GABRG2: variants seen among roughly 807,000 people sequenced by gnomAD.
The protein encoded by GABRG2 is gamma-aminobutyric acid type A receptor subunit gamma2, also known as gamma-aminobutyric acid receptor subunit gamma-2.
GABRG2 carries 16 observed loss-of-function variants against 56.4 expected under a neutral mutation model. The ratio of observed to expected loss-of-function variants is 0.28; its 90% CI spans 0.19 to 0.43. The LOEUF is 0.43. Among genes scored for constraint, GABRG2 ranks in the 20% least tolerant of loss-of-function variants. The pLI is 1.00. For missense variants in GABRG2, 327 were observed against 582.7 expected, an observed-to-expected ratio of 0.56 and a Z score of 4.52; for synonymous variants, 208 against 205.5, an observed-to-expected ratio of 1.01 and a Z score of -0.10.
intron 6 of GABRG2, among the ~76,000 whole-genome samples, chr5:162,124,098 G>C (rs1013646357): frequency 1.3e-5 from 2 of 151,824 alleles, no homozygotes; most frequent in Non-Finnish European, 2.9e-5. Context: ...AAGTGTTTGA[G>C]CTGGGTCTTA....
chr5:162,123,074 GA>G (rs1763083384), intron 6 of GABRG2, among the ~76,000 whole-genome samples: 1 of 151,562 alleles, frequency 6.6e-6, no homozygotes. Context: ...TATTCAACAT[GA>G]AAATCATTGT....
intron 7 of GABRG2, among the ~76,000 whole-genome samples, chr5:162,146,516 A>C (rs1764959389): frequency 6.6e-6 from 1 of 152,086 alleles, no homozygotes. Flanking sequence ...ATCTCCCAAA[A>C]GTCATAATTA....
At chr5:162,068,418 C>G (rs566547314) in intron 1 of GABRG2, among the ~76,000 whole-genome samples, 1 of 151,842 alleles carries the variant, frequency 6.6e-6, no homozygotes, top group South Asian at 2.1e-4. Context: ...TCGGAGTGGG[C>G]TGTGCTGATA....
At chr5:162,135,694 G>A (rs917958454) in intron 6 of GABRG2, among the ~76,000 whole-genome samples, 7 of 152,064 alleles carry the variant, frequency 4.6e-5, no homozygotes, top group South Asian at 2.1e-4. Flanking sequence ...ATTAATTGAC[G>A]TTTGAAAAAT....
chr5:162,071,051 A>C (rs891612236), intron 1 of GABRG2, among the ~76,000 whole-genome samples: 1 of 151,864 alleles, frequency 6.6e-6, no homozygotes, highest in Non-Finnish European at 1.5e-5. Flanking sequence ...AATATTATAC[A>C]TATAACAAAG....
chr5:162,094,920 G>A (rs1448564969), intron 2 of GABRG2, among the ~76,000 whole-genome samples: 1 of 152,034 alleles, frequency 6.6e-6, no homozygotes, highest in Non-Finnish European at 1.5e-5. Context: ...ATTATCTGTG[G>A]TATCACAGGG....
chr5:162,130,881 C>T (rs931414483), intron 6 of GABRG2, among the ~76,000 whole-genome samples: 1 of 151,878 alleles, frequency 6.6e-6, no homozygotes, highest in Non-Finnish European at 1.5e-5. Flanking sequence ...CACTGAGTCC[C>T]CATAGAAGGC....
intron 6 of GABRG2, among the ~76,000 whole-genome samples, chr5:162,136,500 T>C (rs1271224434): frequency 6.6e-6 from 1 of 151,756 alleles, no homozygotes; most frequent in East Asian, 1.9e-4. Flanking sequence ...GGTGGTGGCA[T>C]AGGTGGTCAG....
chr5:162,103,253 A>T (rs568796741), intron 5 of GABRG2: 117 of 154,314 alleles, frequency 7.6e-4, no homozygotes, highest in Admixed American at 2.4e-3. Flanking sequence ...CCCCAGTGTG[A>T]TGTCTTCAAT....
At chr5:162,109,466 C>T (rs75010160) in intron 6 of GABRG2, among the ~76,000 whole-genome samples, 16,860 of 144,306 alleles carry the variant, frequency 0.12, 1,039 homozygotes, top group Middle Eastern at 0.15. Flanking sequence ...CTTGTGTTGC[C>T]TGGGCACTTG....
chr5:162,098,088 G>A (rs546879939), intron 4 of GABRG2: 1 of 549,094 alleles, frequency 1.8e-6, no homozygotes, highest in African/African-American at 1.9e-5. Flanking sequence ...TTCCACAACT[G>A]CTGTGAAAAC....
chr5:162,116,922 T>C (rs1221876312), intron 6 of GABRG2, among the ~76,000 whole-genome samples: 1 of 152,168 alleles, frequency 6.6e-6, no homozygotes, highest in Non-Finnish European at 1.5e-5. Context: ...TTTTGGTTTC[T>C]GTTGGTTTTC....
At chr5:162,122,978 TA>T (rs1296898094) in intron 6 of GABRG2, among the ~76,000 whole-genome samples, 8 of 151,802 alleles carry the variant, frequency 5.3e-5, no homozygotes. Flanking sequence ...CATTTAAGAA[TA>T]AATGCTATAA....
intron 6 of GABRG2, among the ~76,000 whole-genome samples, chr5:162,137,708 C>T (rs1340932493): frequency 1.3e-5 from 2 of 152,074 alleles, no homozygotes; most frequent in African/African-American, 4.8e-5. Context: ...CTTTCTTTTT[C>T]TTTTCTTTTC....
At chr5:162,087,375 T>G (rs1245658055) in intron 1 of GABRG2, among the ~76,000 whole-genome samples, 1 of 152,100 alleles carries the variant, frequency 6.6e-6, no homozygotes. Flanking sequence ...ATTTTCTCAT[T>G]CTCTAGCCAC....
At chr5:162,116,009 C>A (rs865902247) in intron 6 of GABRG2, among the ~76,000 whole-genome samples, 58 of 151,872 alleles carry the variant, frequency 3.8e-4, no homozygotes, top group African/African-American at 1.3e-3. Context: ...AGGGTAAGAA[C>A]CTTGTGCAAT....
At chr5:162,120,883 C>T (rs1762937294) in intron 6 of GABRG2, among the ~76,000 whole-genome samples, 1 of 152,050 alleles carries the variant, frequency 6.6e-6, no homozygotes, top group African/African-American at 2.4e-5. Context: ...GCCAGCATTG[C>T]TTTCTTTAAC....
chr5:162,133,556 A>G (rs1481820806), intron 6 of GABRG2, among the ~76,000 whole-genome samples: 2 of 152,110 alleles, frequency 1.3e-5, no homozygotes, highest in African/African-American at 4.8e-5. Context: ...AAATGTATTC[A>G]TTTGTAGCTG....
At chr5:162,075,527 A>C (rs918565261) in intron 1 of GABRG2, among the ~76,000 whole-genome samples, 13 of 152,068 alleles carry the variant, frequency 8.5e-5, no homozygotes, top group Non-Finnish European at 1.9e-4. Context: ...TTGATTTTCT[A>C]TCTCTCTCAG....
Sources: gnomAD v4.1 joint callset for allele counts (sites outside exome capture counted in the v4.1 genomes callset) on GRCh38, gnomAD v4.1.1 for gene constraint, MANE v1.5 for transcripts, NCBI Gene and HGNC (gene_info 2026-07-23, HGNC 2026-07-21) for gene names.